PDLIM2: variants seen among roughly 807,000 people sequenced by gnomAD.
The protein encoded by PDLIM2 is PDZ and LIM domain protein 2.
In PDLIM2, 51 loss-of-function variants were observed where a neutral mutation model predicts 54.1. That is an observed-to-expected ratio of 0.94 (90% CI 0.75 to 1.19). PDLIM2 has a LOEUF of 1.19. Among genes scored for constraint, PDLIM2 ranks in the 50% most tolerant of loss-of-function variants. The pLI is 0.00. For missense variants in PDLIM2, 912 were observed against 874.0 expected, an observed-to-expected ratio of 1.04 and a Z score of -0.55; for synonymous variants, 398 against 385.6, an observed-to-expected ratio of 1.03 and a Z score of -0.38.
At chr8:22,578,836 ATCG>A in exon 1 of PDLIM2, 1 of 1,234,316 alleles carries the variant, frequency 8.1e-7, no homozygotes, top group Non-Finnish European at 1.0e-6. Flanking sequence ...TGCCCCCTCG[ATCG>A]TCTGCGAAGT....
Position 22,585,090 on chromosome 8 carries a change from C to G in PDLIM2, c.1139C>G (p.Pro380Arg), listed in dbSNP as rs781441864. The G allele has an allele frequency of 6.2e-7, 1 of 1,613,954 alleles. No individual in the cohort carries two copies. The highest frequency in any genetic ancestry group is 8.5e-7 in the Non-Finnish European group (1 of 1,180,016). ...TACTCCAGCCCAACCTCCCTCAGCC[C>G]GAGGGCCGGCAGCCCCTTCTCACCA... Residue 380 changes from proline to arginine, a missense_variant, in exon 5 of 10, where the codon CCG (proline) becomes CGG (arginine). Pro to Arg is a moderately radical substitution (Grantham distance 103). Coordinates refer to ENST00000308354, the Ensembl canonical transcript of PDLIM2.
At chr8:22,585,091 G>A (rs571740434) in exon 5 of PDLIM2, 58 of 1,613,950 alleles carry the variant, frequency 3.6e-5, no homozygotes, top group African/African-American at 9.3e-5. Flanking sequence ...CCCTCAGCCC[G>A]AGGGCCGGCA....
At chr8:22,581,151 A>G in intron 2 of PDLIM2, 1 of 663,550 alleles carries the variant, frequency 1.5e-6, no homozygotes, top group South Asian at 1.7e-5. Flanking sequence ...CTGCCACTGC[A>G]CATTCTTTGG....
intron 3 of PDLIM2, 73 bp downstream of exon 2, chr8:22,581,603 C>T: frequency 1.3e-6 from 2 of 1,487,100 alleles, no homozygotes; most frequent in Non-Finnish European, 8.9e-7. Context: ...GCAGCCCTTG[C>T]TCCTGCCCAT....
exon 1 of PDLIM2, chr8:22,579,505 G>T: frequency 6.6e-7 from 1 of 1,509,570 alleles, no homozygotes; most frequent in Middle Eastern, 2.2e-4. Context: ...CCCGCAGCGC[G>T]GAGTCCACTG....
At chr8:22,582,318 C>T (rs574570878) in intron 3 of PDLIM2, among the ~76,000 whole-genome samples, 36 of 152,204 alleles carry the variant, frequency 2.4e-4, no homozygotes, top group Non-Finnish European at 4.6e-4. Context: ...TGGCAGAAGC[C>T]GGCTCCCTTC....
chr8:22,593,577 CAAAAAA>C (rs59345957), intron 9 of PDLIM2, 150 bp from the exon 9 acceptor site: 8,197 of 389,458 alleles, frequency 0.021, 69 homozygotes, highest in African/African-American at 0.091. Context: ...AACTCCATCT[CAAAAAA>C]AAAAAAAAAA....
At chr8:22,586,093 G>C (rs1443944201) in intron 6 of PDLIM2, among the ~76,000 whole-genome samples, 2 of 152,196 alleles carry the variant, frequency 1.3e-5, no homozygotes, top group Non-Finnish European at 2.9e-5. Flanking sequence ...GGCACGTCCA[G>C]CCTTTGGGGT....
In PDLIM2 at chr8:22,589,279, G is replaced by A. The variant is rs1440504275; in HGVS notation, c.1291-19G>A. 7 of 1,533,622 alleles carry A rather than the reference G, an allele frequency of 4.6e-6. No homozygotes were observed. The East Asian group carries it at 9.8e-5, about 21-fold the overall frequency. ...AAGGCTCTGGCCCTGACTCCTCCCC[G>A]GCTGCCTCCTCCCAACAGGCCGGCC... On this transcript the variant is annotated intron_variant, in intron 6 of 9. Coordinates refer to ENST00000308354, the Ensembl canonical transcript of PDLIM2.
At position 22,593,776 on chromosome 8, in the gene PDLIM2, G is replaced by A. The variant is rs1028572560; in HGVS notation, c.1675G>A (p.Gly559Ser). 5.6e-6 allele frequency: 9 copies of A among 1,604,292 alleles called. No homozygotes were observed. The highest frequency in any genetic ancestry group is 5.4e-5 in the African/African-American group (4 of 74,754). ...CCAGGAGGGCCGGTACCGCCACCCC[G>A]GCTGCTACACCTGTGCCGACTGTGG... The change falls in exon 10 of 10, where the codon GGC becomes AGC. Residue 559 changes from glycine (G) to serine (S), a missense_variant. By Grantham distance (56) the Gly-to-Ser change is moderately conservative (BLOSUM62 0). Coordinates refer to ENST00000308354, the Ensembl canonical transcript of PDLIM2.
chr8:22,581,079 G>T, intron 2 of PDLIM2: 1 of 674,672 alleles, frequency 1.5e-6, no homozygotes, highest in East Asian at 3.0e-5. Flanking sequence ...CACCTGCAAG[G>T]TGCGATTTGC....
rs886117818 is a variant in PDLIM2 at position 22,589,285 on chromosome 8, C to T, written c.1291-13C>T. 2 of 1,533,694 alleles carry T rather than the reference C, an allele frequency of 1.3e-6. No individual in the cohort carries two copies. Among genetic ancestry groups the T allele is most frequent in the African/African-American group, 2.7e-5 (2 of 72,962 alleles). On this transcript the variant is annotated splice_polypyrimidine_tract_variant and intron_variant, in intron 6 of 9. Coordinates refer to ENST00000308354, the Ensembl canonical transcript of PDLIM2. ...CTGGCCCTGACTCCTCCCCGGCTGC[C>T]TCCTCCCAACAGGCCGGCCTCGGCC...
intron 2 of PDLIM2, 107 bp downstream of exon 1, chr8:22,580,804 G>C: frequency 1.7e-6 from 2 of 1,206,440 alleles, no homozygotes; most frequent in Non-Finnish European, 2.4e-6. Context: ...TGGAGCTAGG[G>C]ATCTGCTGCT....
chr8:22,597,552 G>A (rs560549326), downstream of PDLIM2: 1 of 152,814 alleles, frequency 6.5e-6, no homozygotes, highest in East Asian at 1.9e-4. Flanking sequence ...CATTCCTGCT[G>A]GCTGGGCTTC....
At chr8:22,594,215 G>A (rs1800634327) in exon 10 of PDLIM2, 1 of 1,398,050 alleles carries the variant, frequency 7.2e-7, no homozygotes, top group Non-Finnish European at 9.3e-7. Flanking sequence ...GGGAAGGAGA[G>A]GGGTGGGCCA....
rs1257887749 is a variant in PDLIM2 at position 22,589,637 on chromosome 8, C to T, written c.1409C>T (p.Ser470Leu). 3.8e-6 allele frequency: 6 copies of T among 1,595,850 alleles called. No homozygotes were observed. The highest frequency in any genetic ancestry group is 4.3e-6 in the Non-Finnish European group (5 of 1,171,452). The change falls in exon 8 of 10, where the codon TCG becomes TTG. Residue 470 changes from serine (S) to leucine (L), a missense_variant. Coordinates refer to ENST00000308354, the Ensembl canonical transcript of PDLIM2. The stretch of plus-strand genomic sequence containing the variant: ...GGAAGCCTCCTCCTGGACGAGGACT[C>T]GGAAGTCTTCAAGATGCTGCAGGAA...
At chr8:22,579,395 C>T (rs900706863) in exon 1 of PDLIM2, 36 of 1,506,648 alleles carry the variant, frequency 2.4e-5, no homozygotes, top group Non-Finnish European at 3.2e-5. Flanking sequence ...CGGAGCGCTC[C>T]TCCTCCAGCC....
At chr8:22,579,519 G>C in exon 1 of PDLIM2, 3 of 1,490,940 alleles carry the variant, frequency 2.0e-6, no homozygotes, top group Middle Eastern at 4.5e-4. Context: ...TCCACTGACC[G>C]GCTCAAAGGT....
intron 1 of PDLIM2, 86 bp from the exon 1 acceptor site, chr8:22,580,389 A>G: frequency 8.1e-7 from 1 of 1,236,264 alleles, no homozygotes; most frequent in Non-Finnish European, 1.1e-6. Flanking sequence ...GGAAGGGAGA[A>G]CCCAGAAGCA....
Sources: gnomAD v4.1 joint callset for allele counts (sites outside exome capture counted in the v4.1 genomes callset) on GRCh38, gnomAD v4.1.1 for gene constraint, MANE v1.5 for transcripts, NCBI Gene and HGNC (gene_info 2026-07-23, HGNC 2026-07-21) for gene names.